ADAMTSL1: variants seen among roughly 807,000 people sequenced by gnomAD.
ADAMTSL1 encodes ADAMTS like 1, also known as ADAMTS-like protein 1.
In ADAMTSL1, 126 loss-of-function variants were observed where a neutral mutation model predicts 201.8. The ratio of observed to expected loss-of-function variants is 0.62; its 90% CI spans 0.54 to 0.72. The LOEUF (loss-of-function observed/expected upper bound fraction) is 0.72. ADAMTSL1 is among the 30% of genes least tolerant of loss of function. The probability of loss-of-function intolerance (pLI) is 0.00; values close to 1 mark genes in which losing one functional copy is unlikely to be tolerated. For missense variants in ADAMTSL1, 2,679 were observed against 2,277.8 expected (o/e 1.18, Z -3.59); for synonymous variants, 1,121 against 903.4 (o/e 1.24, Z -4.32).
chr9:18,184,559 A>G (rs1466564647), intron 2 of ADAMTSL1, among the ~76,000 whole-genome samples: 1 of 152,222 alleles, frequency 6.6e-6, no homozygotes, highest in African/African-American at 2.4e-5. Context: ...GCCTGTTGTC[A>G]TTGGAATTTC....
intron 1 of ADAMTSL1, among the ~76,000 whole-genome samples, chr9:17,968,608 C>T (rs1016823787): frequency 2.0e-5 from 3 of 152,060 alleles, no homozygotes; most frequent in Admixed American, 6.6e-5. Flanking sequence ...GGATGTTCTC[C>T]CACACAAACA....
At chr9:18,084,394 C>T (rs1230556672) in intron 1 of ADAMTSL1, among the ~76,000 whole-genome samples, 1 of 151,892 alleles carries the variant, frequency 6.6e-6, no homozygotes, top group South Asian at 2.1e-4. Flanking sequence ...CGGTGGTGTG[C>T]ACCTGTAATC....
intron 1 of ADAMTSL1, among the ~76,000 whole-genome samples, chr9:18,157,901 TC>T (rs1277445542): frequency 6.6e-6 from 1 of 152,014 alleles, no homozygotes; most frequent in African/African-American, 2.4e-5. Flanking sequence ...ACTTCAAGCA[TC>T]TTTTTCTTCC....
At chr9:18,752,496 A>G (rs990110319) in intron 15 of ADAMTSL1, among the ~76,000 whole-genome samples, 1 of 152,202 alleles carries the variant, frequency 6.6e-6, no homozygotes, top group Non-Finnish European at 1.5e-5. Flanking sequence ...GTACAGCCTG[A>G]GCCACTGAGC....
At chr9:17,968,622 T>C (rs1185744142) in intron 1 of ADAMTSL1, among the ~76,000 whole-genome samples, 1 of 152,126 alleles carries the variant, frequency 6.6e-6, no homozygotes, top group Non-Finnish European at 1.5e-5. Context: ...ACAAACAATG[T>C]GGTATCCTCG....
At chr9:18,586,860 C>T (rs1189234916) in intron 4 of ADAMTSL1, among the ~76,000 whole-genome samples, 1 of 152,032 alleles carries the variant, frequency 6.6e-6, no homozygotes, top group Non-Finnish European at 1.5e-5. Flanking sequence ...ACTCCCTATT[C>T]AATAAATGGT....
At chr9:18,640,016 C>G (rs1304216434) in intron 7 of ADAMTSL1, among the ~76,000 whole-genome samples, 1 of 152,100 alleles carries the variant, frequency 6.6e-6, no homozygotes, top group Non-Finnish European at 1.5e-5. Context: ...TCAGGAGCAC[C>G]TGAAGGATTT....
chr9:17,958,487 G>C (rs999194882), intron 1 of ADAMTSL1, among the ~76,000 whole-genome samples: 1 of 152,154 alleles, frequency 6.6e-6, no homozygotes, highest in Non-Finnish European at 1.5e-5. Flanking sequence ...TGCTAATAAT[G>C]TCTTAGGCTG....
rs1308514281 is a variant in ADAMTSL1, at chr9:18,777,808, C to T, written c.3579C>T (p.Ser1193=). ...THLGQTVALA[S]GTLSVLLHCE... ...TGGGGCAGACGGTGGCCCTGGCCAG[C>T]GGGACACTGAGTGTTCTTCTGCACT... Residue 1193 remains serine, a synonymous_variant, in exon 19 of 29, where the codon AGC becomes AGT. Transcript: ENST00000380548. 1 of 1,613,654 alleles carries T rather than the reference C, an allele frequency of 6.2e-7. No homozygotes were observed. Among genetic ancestry groups the T allele is most frequent in the Non-Finnish European group, 8.5e-7 (1 of 1,179,752 alleles).
chr9:18,314,002 A>AG (rs1463940334), intron 2 of ADAMTSL1, among the ~76,000 whole-genome samples: 1 of 152,136 alleles, frequency 6.6e-6, no homozygotes, highest in Non-Finnish European at 1.5e-5. Context: ...AAATGACCCA[A>AG]CTAAAAAAAA....
At chr9:17,968,360 G>A (rs892740527) in intron 1 of ADAMTSL1, among the ~76,000 whole-genome samples, 1 of 152,112 alleles carries the variant, frequency 6.6e-6, no homozygotes, top group Non-Finnish European at 1.5e-5. Context: ...GAAGAACTGA[G>A]GGAATAGTAT....
intron 1 of ADAMTSL1, among the ~76,000 whole-genome samples, chr9:17,985,136 T>C (rs2811816): frequency 0.82 from 124,221 of 152,084 alleles, 50,990 homozygotes; most frequent in East Asian, 0.92. Flanking sequence ...ACAGTTTAAG[T>C]TTTCAGCTTT....
chr9:18,562,786 C>G (rs1654568034), intron 3 of ADAMTSL1, among the ~76,000 whole-genome samples: 1 of 152,094 alleles, frequency 6.6e-6, no homozygotes, highest in Admixed American at 6.5e-5. Flanking sequence ...CTTTGATATC[C>G]TTTATTCCAC....
chr9:18,208,068 G>T (rs1352170180), intron 2 of ADAMTSL1, among the ~76,000 whole-genome samples: 1 of 152,042 alleles, frequency 6.6e-6, no homozygotes, highest in Non-Finnish European at 1.5e-5. Context: ...AGGTTTTCTT[G>T]CCTATGAAAT....
At chr9:18,568,989 C>G (rs905911963) in intron 3 of ADAMTSL1, among the ~76,000 whole-genome samples, 1 of 152,040 alleles carries the variant, frequency 6.6e-6, no homozygotes, top group Non-Finnish European at 1.5e-5. Flanking sequence ...AAAATTAATG[C>G]TTCTCCTGAC....
At chr9:17,913,727 C>T (rs1825978518) in intron 1 of ADAMTSL1, among the ~76,000 whole-genome samples, 1 of 152,118 alleles carries the variant, frequency 6.6e-6, no homozygotes, top group African/African-American at 2.4e-5. Flanking sequence ...ACTGATGAAT[C>T]CAGGAGCTGG....
At chr9:18,304,172 C>G (rs1833815351) in intron 2 of ADAMTSL1, among the ~76,000 whole-genome samples, 1 of 151,400 alleles carries the variant, frequency 6.6e-6, no homozygotes, top group Admixed American at 6.6e-5. Flanking sequence ...TTACAGAACA[C>G]TTTGTTCAAA....
chr9:18,015,172 C>A (rs77775000), intron 1 of ADAMTSL1, among the ~76,000 whole-genome samples: 24 of 152,110 alleles, frequency 1.6e-4, no homozygotes, highest in Non-Finnish European at 2.9e-4. Context: ...AAGCAGCATG[C>A]TCTGGTACAC....
intron 1 of ADAMTSL1, among the ~76,000 whole-genome samples, chr9:18,087,705 T>C (rs1380613055): frequency 6.6e-6 from 1 of 152,182 alleles, no homozygotes; most frequent in Non-Finnish European, 1.5e-5. Context: ...TAAATACTTT[T>C]TGATAATATT....
Sources: allele counts gnomAD v4.1 joint callset (sites outside exome capture counted in the v4.1 genomes callset), GRCh38; gene constraint gnomAD v4.1.1; transcripts MANE v1.5; gene names NCBI Gene and HGNC (gene_info 2026-07-23, HGNC 2026-07-21).